SPG7: variants seen among roughly 807,000 people sequenced by gnomAD.
SPG7 encodes the protein SPG7 matrix AAA peptidase subunit, paraplegin, also known as mitochondrial inner membrane m-AAA protease component paraplegin.
A neutral mutation model predicts 81.9 loss-of-function variants in SPG7; 103 were observed. The ratio of observed to expected loss-of-function variants is 1.26; its 90% confidence interval spans 1.07 to 1.48. The LOEUF is 1.48. SPG7 is among the 40% of genes most tolerant of loss of function. The pLI, the probability that SPG7 is intolerant of heterozygous loss-of-function variation, is 0.00. For synonymous variants in SPG7, 534 were observed against 444.2 expected, an observed-to-expected ratio of 1.20 and a Z score of -2.54; for missense variants, 1,241 against 1,087.3, an observed-to-expected ratio of 1.14 and a Z score of -1.99.
intron 9 of SPG7, among the ~76,000 whole-genome samples, chr16:89,542,590 G>A (rs986198963): frequency 2.6e-5 from 4 of 152,142 alleles, no homozygotes; most frequent in African/African-American, 7.2e-5. Flanking sequence ...TTTGAAATTC[G>A]GGAGCGATTT....
chr16:89,537,904 C>T, intron 9 of SPG7: 2 of 459,798 alleles, frequency 4.3e-6, no homozygotes, highest in Non-Finnish European at 5.7e-6. Flanking sequence ...CGTGGACTGC[C>T]TGCCAGGTGG....
At chr16:89,528,293 G>T (rs189014129) in intron 5 of SPG7, among the ~76,000 whole-genome samples, 3,740 of 151,956 alleles carry the variant, frequency 0.025, 158 homozygotes, top group African/African-American at 0.086. Context: ...TCGGGAGGCT[G>T]AGGCAGGAGG....
At chr16:89,549,529 G>A (rs1217658583) in intron 12 of SPG7, 3 of 321,452 alleles carry the variant, frequency 9.3e-6, no homozygotes, top group East Asian at 1.7e-4. Flanking sequence ...GCCAGGCATG[G>A]TGGTGGAGCA....
At chr16:89,533,780 T>C (rs894176571) in intron 9 of SPG7, 1 of 152,194 alleles carries the variant, frequency 6.6e-6, no homozygotes, top group African/African-American at 2.4e-5. Flanking sequence ...CATGGAATTA[T>C]TTTTCTTCTG....
At chr16:89,522,935 G>A (rs1219319797) in intron 3 of SPG7, 1 of 152,782 alleles carries the variant, frequency 6.5e-6, no homozygotes, top group Non-Finnish European at 1.5e-5. Context: ...AGGCCTCCAT[G>A]AAGAGTGAGT....
chr16:89,554,837 G>T, intron 16 of SPG7: 7 of 403,100 alleles, frequency 1.7e-5, no homozygotes, highest in East Asian at 4.7e-5. Context: ...TGTCAGTTTT[G>T]TTTAATCTTT....
intron 3 of SPG7, among the ~76,000 whole-genome samples, chr16:89,513,864 G>C (rs1004379568): frequency 6.6e-6 from 1 of 152,202 alleles, no homozygotes; most frequent in Non-Finnish European, 1.5e-5. Flanking sequence ...TTCCCATGTT[G>C]CTTTTCAGGA....
chr16:89,510,394 T>C, intron 1 of SPG7, 96 bp from the exon 2 acceptor site: 2 of 716,266 alleles, frequency 2.8e-6, no homozygotes, highest in East Asian at 2.7e-5. Flanking sequence ...CAAATAATTA[T>C]ATATTTGAAC....
chr16:89,535,151 C>T (rs2152405023), intron 9 of SPG7, among the ~76,000 whole-genome samples: 1 of 152,320 alleles, frequency 6.6e-6, no homozygotes, highest in Admixed American at 6.5e-5. Context: ...AGGATTGGTG[C>T]AGCAGTGCTG....
chr16:89,550,743 T>A, intron 13 of SPG7, 134 bp downstream of exon 13: 1 of 700,208 alleles, frequency 1.4e-6, no homozygotes, highest in Non-Finnish European at 2.6e-6. Context: ...TGTCTGTAGG[T>A]CATGTGAGAG....
Position 89,524,187 on chromosome 16 carries a change from G to C in SPG7, c.558G>C (p.Val186=), listed in dbSNP as rs754129188. 29 of 1,613,816 alleles carry C rather than the reference G, an allele frequency of 1.8e-5. 1 individual carries two copies. Among genetic ancestry groups the C allele is most frequent in the Admixed American group, 1.3e-4 (8 of 59,994 alleles). Residue 186 remains valine (V), a synonymous_variant, in exon 4 of 17, where the codon GTG becomes GTC. Coordinates refer to ENST00000645818, the MANE Select transcript of SPG7 (RefSeq NM_003119.4). ...AKGEVQRVQV[V]PESDVVEVYL... ...GCGAGGTGCAGCGCGTCCAGGTGGTGCCTGAGAGCGACGTGGTGGAAGTCT... is the reference window on the plus strand; with the variant it reads ...GCGAGGTGCAGCGCGTCCAGGTGGTCCCTGAGAGCGACGTGGTGGAAGTCT...
intron 7 of SPG7, 134 bp downstream of exon 7, chr16:89,530,942 T>C: frequency 8.4e-7 from 1 of 1,189,374 alleles, no homozygotes; most frequent in Non-Finnish European, 1.2e-6. Flanking sequence ...CCATGTCCCA[T>C]GGGGACACCA....
chr16:89,536,721 C>A (rs760905133), intron 9 of SPG7: 3 of 1,611,376 alleles, frequency 1.9e-6, no homozygotes, highest in Non-Finnish European at 8.5e-7. Context: ...GCGTGGACAC[C>A]AAGGTCTTCG....
chr16:89,535,028 T>C (rs532273746), intron 9 of SPG7, among the ~76,000 whole-genome samples: 8 of 152,326 alleles, frequency 5.3e-5, no homozygotes, highest in Admixed American at 3.3e-4. Flanking sequence ...GCTTCACTGT[T>C]CCTCAGTGTT....
chr16:89,521,751 G>C (rs1053220405), intron 3 of SPG7: 2 of 152,238 alleles, frequency 1.3e-5, no homozygotes, highest in African/African-American at 4.8e-5. Flanking sequence ...ACTCCAGCCT[G>C]GGTGACGGAG....
chr16:89,529,189 A>C (rs1052049155), intron 5 of SPG7: 1 of 469,974 alleles, frequency 2.1e-6, no homozygotes, highest in African/African-American at 2.0e-5. Flanking sequence ...AACAAAATAT[A>C]CTGAAAATAG....
chr16:89,556,957 C>A lies in SPG7; in HGVS notation c.2252C>A (p.Pro751His), dbSNP rs1379001117. 5 of 1,613,988 alleles carry A rather than the reference C, an allele frequency of 3.1e-6. No homozygotes were observed. Among genetic ancestry groups the A allele is most frequent in the Non-Finnish European group, 4.2e-6 (5 of 1,180,002 alleles). The stretch of plus-strand genomic sequence containing the variant: ...ATTGAGGCTCTCATTGGCCCGCCGC[C>A]CCATGGGCCGAAGAAAATGATCGCA... The part of the protein sequence containing the change: ...EDIEALIGPP[P>H]HGPKKMIAPQ... The change falls in exon 17 of 17, where the codon CCC (proline) becomes CAC (histidine). Residue 751 changes from proline (P) to histidine (H), a missense_variant. Pro to His is a moderately conservative substitution (Grantham distance 77). Transcript: ENST00000645818.
intron 9 of SPG7, 62 bp downstream of exon 9, chr16:89,532,698 C>G (rs1291146445): frequency 1.3e-6 from 2 of 1,598,304 alleles, no homozygotes; most frequent in African/African-American, 2.7e-5. Context: ...CGATGTCTTT[C>G]AGAACAGGTT....
At chr16:89,539,507 A>G (rs183025600) in intron 9 of SPG7, 1 of 152,202 alleles carries the variant, frequency 6.6e-6, no homozygotes, top group African/African-American at 2.4e-5. Flanking sequence ...TCTCAAAAAA[A>G]CAAATAAATA....
Sources: gnomAD v4.1 joint callset for allele counts (sites outside exome capture counted in the v4.1 genomes callset) on GRCh38, gnomAD v4.1.1 for gene constraint, MANE v1.5 for transcripts, NCBI Gene and HGNC (gene_info 2026-07-23, HGNC 2026-07-21) for gene names.